The following TMEM178A variants were observed in gnomAD, a reference collection of about 807,000 sequenced individuals.
TMEM178A encodes transmembrane protein 178A.
A neutral mutation model predicts 29.1 loss-of-function variants in TMEM178A; 12 were observed. The observed-to-expected ratio is 0.41, with a 90% CI of 0.26 to 0.67. The LOEUF (loss-of-function observed/expected upper bound fraction) is 0.67. Ranked by LOEUF, TMEM178A falls within the 30% of genes least tolerant of loss-of-function variation. The pLI, the probability that TMEM178A is intolerant of heterozygous loss-of-function variation, is 0.29. For synonymous variants in TMEM178A, 210 were observed against 187.2 expected (o/e 1.12, Z -0.99); for missense variants, 366 against 419.1 (o/e 0.87, Z 1.11).
chr2:39,679,256 T>A (rs1009470286), intron 1 of TMEM178A, among the ~76,000 whole-genome samples: 1 of 152,180 alleles, frequency 6.6e-6, no homozygotes, highest in Admixed American at 6.6e-5. Flanking sequence ...CACGGTCATA[T>A]CTGACCCACT....
the TMEM178A span, among the ~76,000 whole-genome samples, chr2:39,727,015 T>C: frequency 1.6e-4 from 25 of 152,262 alleles, no homozygotes; most frequent in Non-Finnish European, 3.4e-4. Flanking sequence ...ACGTTTTGAG[T>C]TGTTTCTTTA....
intron 3 of TMEM178A, among the ~76,000 whole-genome samples, chr2:39,710,111 G>A (rs1489198085): frequency 6.6e-6 from 1 of 152,130 alleles, no homozygotes; most frequent in Admixed American, 6.5e-5. Context: ...GACCAGAGGA[G>A]CTCAGAGGTC....
At chr2:39,678,208 C>T (rs1211882937) in intron 1 of TMEM178A, among the ~76,000 whole-genome samples, 1 of 152,118 alleles carries the variant, frequency 6.6e-6, no homozygotes, top group Non-Finnish European at 1.5e-5. Context: ...AACCAAATAT[C>T]CCAGCAATTC....
At chr2:39,733,113 G>GT in the TMEM178A span, among the ~76,000 whole-genome samples, 3 of 152,144 alleles carry the variant, frequency 2.0e-5, no homozygotes, top group African/African-American at 7.2e-5. Context: ...CAGACACTGG[G>GT]TAAGTTACCG....
the TMEM178A span, among the ~76,000 whole-genome samples, chr2:39,723,995 A>G: frequency 6.6e-6 from 1 of 152,230 alleles, no homozygotes; most frequent in Middle Eastern, 3.4e-3. Context: ...CAGAGCACAC[A>G]CTGCACTTTG....
chr2:39,732,963 C>A, the TMEM178A span, among the ~76,000 whole-genome samples: 1 of 152,150 alleles, frequency 6.6e-6, no homozygotes, highest in Non-Finnish European at 1.5e-5. Flanking sequence ...TATGGTATTG[C>A]CTTTGTTTAT....
chr2:39,707,494 T>C (rs1672089529), intron 3 of TMEM178A, among the ~76,000 whole-genome samples: 2 of 152,172 alleles, frequency 1.3e-5, no homozygotes. Context: ...TTTTTTGAGA[T>C]GGAGTCTCAC....
At chr2:39,665,610 G>T (rs1159103001), upstream of TMEM178A, 1 of 225,500 alleles carries the variant, frequency 4.4e-6, no homozygotes, top group Non-Finnish European at 8.6e-6. Context: ...AAGGGGGGTC[G>T]CTGGAGAGGA....
rs1281589990 is a variant in TMEM178A at position 39,717,955 on chromosome 2, C to T, written c.*704C>T. The T allele has an allele frequency of 5.9e-5, 9 of 152,500 alleles. No individual in the cohort carries two copies. Among genetic ancestry groups the T allele is most frequent in the Admixed American group, 5.2e-4 (8 of 15,276 alleles). 9.4% of individuals were successfully genotyped at this position (152,500 alleles called of 1,614,324 possible). A position where few individuals can be genotyped will look rare whatever the true frequency, so the allele number is the denominator to read the frequency against. ...GGATTTCTGCATTAAATGACTGCCC[C>T]CTTGTTAATCTGGGTGTGTTTTCCT... On this transcript the variant is annotated 3_prime_UTR_variant, in exon 4 of 4. Coordinates refer to ENST00000281961, the MANE Select transcript of TMEM178A (RefSeq NM_152390.3).
chr2:39,666,130 C>T lies in TMEM178A; in HGVS notation c.156C>T (p.Pro52=). The T allele has an allele frequency of 1.3e-6, 2 of 1,543,740 alleles. No homozygotes were observed. Among genetic ancestry groups the T allele is most frequent in the South Asian group, 2.4e-5 (2 of 83,738 alleles). ...SCERSRAGAD[P]PDQKNRLMPL... The stretch of plus-strand genomic sequence containing the variant: ...AGCGCAGCCGCGCGGGCGCCGACCC[C>T]CCGGACCAGAAGAACCGCCTGATGC... Residue 52 remains proline, a synonymous_variant, in exon 1 of 4, where the codon CCC becomes CCT. Transcript: ENST00000281961.
the TMEM178A span, among the ~76,000 whole-genome samples, chr2:39,730,659 T>C: frequency 6.6e-6 from 1 of 152,092 alleles, no homozygotes; most frequent in Non-Finnish European, 1.5e-5. Context: ...TTCCATGAGA[T>C]GGAGAGACCA....
intron 1 of TMEM178A, among the ~76,000 whole-genome samples, chr2:39,684,561 C>A: frequency 6.6e-6 from 1 of 152,158 alleles, no homozygotes; most frequent in East Asian, 1.9e-4. Context: ...GCATAGCCAC[C>A]TATTCCCATA....
chr2:39,696,912 C>G (rs187380461), intron 1 of TMEM178A, among the ~76,000 whole-genome samples: 1 of 152,164 alleles, frequency 6.6e-6, no homozygotes, highest in Non-Finnish European at 1.5e-5. Flanking sequence ...ACAACTTGTT[C>G]TTTTCAATCC....
the TMEM178A span, among the ~76,000 whole-genome samples, chr2:39,735,750 A>G: frequency 6.6e-6 from 1 of 152,238 alleles, no homozygotes; most frequent in Non-Finnish European, 1.5e-5. Context: ...AAGGCCAGAG[A>G]GAGAAGCTTA....
chr2:39,713,062 C>T (rs1237326177), intron 3 of TMEM178A, among the ~76,000 whole-genome samples: 1 of 152,152 alleles, frequency 6.6e-6, no homozygotes, highest in Non-Finnish European at 1.5e-5. Context: ...GGACTCCATG[C>T]AGAACTTACG....
chr2:39,706,961 T>G, intron 2 of TMEM178A, 88 bp from the exon 3 acceptor site: 1 of 1,471,538 alleles, frequency 6.8e-7, no homozygotes, highest in Non-Finnish European at 9.1e-7. Context: ...TTACTAATTT[T>G]CACAATGTAT....
At chr2:39,719,976 A>G (rs974262162), downstream of TMEM178A, among the ~76,000 whole-genome samples, 5 of 152,180 alleles carry the variant, frequency 3.3e-5, no homozygotes, top group Non-Finnish European at 7.4e-5. Flanking sequence ...AGCAAAACAG[A>G]CAAAGGTTTT....
At chr2:39,712,011 TG>T (rs1328519828) in intron 3 of TMEM178A, among the ~76,000 whole-genome samples, 4 of 151,042 alleles carry the variant, frequency 2.6e-5, no homozygotes, top group African/African-American at 9.7e-5. Flanking sequence ...AGAAAATGAT[TG>T]GATGCTTTTG....
chr2:39,685,663 A>G (rs1346512342), intron 1 of TMEM178A, among the ~76,000 whole-genome samples: 2 of 152,242 alleles, frequency 1.3e-5, no homozygotes, highest in Admixed American at 6.5e-5. Flanking sequence ...AAAGGTGATC[A>G]TGCATAAGAA....
Sources: gnomAD v4.1 joint callset for allele counts (sites outside exome capture counted in the v4.1 genomes callset) on GRCh38, gnomAD v4.1.1 for gene constraint, MANE v1.5 for transcripts, NCBI Gene and HGNC (gene_info 2026-07-23, HGNC 2026-07-21) for gene names.